SCHIP1: variants seen among roughly 807,000 people sequenced by gnomAD.
The protein encoded by SCHIP1 is schwannomin-interacting protein 1.
In SCHIP1, 8 loss-of-function variants were observed where a neutral mutation model predicts 29.7. That is an observed-to-expected ratio of 0.27 (90% CI 0.16 to 0.49). SCHIP1 has a LOEUF of 0.49. SCHIP1 is among the 20% of genes least tolerant of loss of function. SCHIP1 has a pLI of 0.99. For missense variants in SCHIP1, 193 were observed against 294.6 expected (o/e 0.66, Z 2.52); for synonymous variants, 76 against 94.9 (o/e 0.80, Z 1.16).
chr3:159,498,887 T>C, the SCHIP1 span, among the ~76,000 whole-genome samples: 1 of 152,186 alleles, frequency 6.6e-6, no homozygotes, highest in Non-Finnish European at 1.5e-5. Context: ...TATGAAATAT[T>C]CACCAAATAT....
At chr3:159,882,525 C>T (rs371997055) in intron 2 of SCHIP1, among the ~76,000 whole-genome samples, 27 of 152,296 alleles carry the variant, frequency 1.8e-4, no homozygotes, top group African/African-American at 6.5e-4. Flanking sequence ...CACTACAACC[C>T]AAAGCCAAGA....
the SCHIP1 span, among the ~76,000 whole-genome samples, chr3:159,676,214 G>A: frequency 3.3e-5 from 5 of 152,178 alleles, no homozygotes; most frequent in African/African-American, 1.2e-4. Context: ...ATACTTTACA[G>A]TTCTTTTCAA....
chr3:159,284,120 T>C, the SCHIP1 span, among the ~76,000 whole-genome samples: 1 of 152,172 alleles, frequency 6.6e-6, no homozygotes, highest in Non-Finnish European at 1.5e-5. Context: ...GCATGGTAAT[T>C]ACATGTTCCT....
At chr3:159,298,541 T>C in the SCHIP1 span, among the ~76,000 whole-genome samples, 2 of 152,224 alleles carry the variant, frequency 1.3e-5, no homozygotes, top group East Asian at 1.9e-4. Context: ...TAGCTTATGT[T>C]TGGAGCATTT....
chr3:159,275,553 G>T, the SCHIP1 span, among the ~76,000 whole-genome samples: 1 of 152,222 alleles, frequency 6.6e-6, no homozygotes, highest in African/African-American at 2.4e-5. Context: ...TGACTCATTT[G>T]TGATATTGTC....
chr3:159,584,695 CATCAAT>C, the SCHIP1 span, among the ~76,000 whole-genome samples: 1 of 152,120 alleles, frequency 6.6e-6, no homozygotes, highest in Non-Finnish European at 1.5e-5. Context: ...TAACCAGCAA[CATCAAT>C]ATCACCTGGG....
At chr3:159,343,535 A>C in the SCHIP1 span, among the ~76,000 whole-genome samples, 1 of 152,172 alleles carries the variant, frequency 6.6e-6, no homozygotes, top group East Asian at 1.9e-4. Flanking sequence ...CATCTCCCTA[A>C]GGCATGTTCT....
chr3:159,420,076 C>G, the SCHIP1 span, among the ~76,000 whole-genome samples: 1 of 152,140 alleles, frequency 6.6e-6, no homozygotes, highest in South Asian at 2.1e-4. Flanking sequence ...GGCTAAGAAC[C>G]AGAAATATAA....
the SCHIP1 span, among the ~76,000 whole-genome samples, chr3:159,668,813 C>A: frequency 1.3e-5 from 2 of 152,284 alleles, no homozygotes; most frequent in East Asian, 3.9e-4. Context: ...TTCCTCACTT[C>A]ATGCCATTAG....
At chr3:159,585,880 C>T in the SCHIP1 span, among the ~76,000 whole-genome samples, 2 of 152,044 alleles carry the variant, frequency 1.3e-5, no homozygotes, top group Admixed American at 1.3e-4. Context: ...CCCTGCTAGG[C>T]TGGAAAAAAA....
chr3:159,419,248 T>C, the SCHIP1 span, among the ~76,000 whole-genome samples: 1 of 152,152 alleles, frequency 6.6e-6, no homozygotes, highest in East Asian at 1.9e-4. Flanking sequence ...CCATTGTGAA[T>C]GGGGATATGA....
the SCHIP1 span, among the ~76,000 whole-genome samples, chr3:159,494,481 C>T: frequency 0.044 from 6,621 of 152,172 alleles, 192 homozygotes; most frequent in East Asian, 0.063. Context: ...AACACCTCTA[C>T]GCAAATAAAC....
At chr3:159,526,845 T>C in the SCHIP1 span, among the ~76,000 whole-genome samples, 15 of 152,346 alleles carry the variant, frequency 9.8e-5, no homozygotes, top group African/African-American at 3.6e-4. Flanking sequence ...TCTCTTTCCC[T>C]GCTGACACTG....
chr3:159,862,758 A>G (rs903232695), intron 1 of SCHIP1, among the ~76,000 whole-genome samples: 128 of 152,338 alleles, frequency 8.4e-4, no homozygotes, highest in African/African-American at 3.0e-3. Context: ...ATTTACTCTC[A>G]CTAGTAATCA....
the SCHIP1 span, among the ~76,000 whole-genome samples, chr3:159,408,686 A>T: frequency 2.6e-5 from 4 of 152,208 alleles, no homozygotes; most frequent in Non-Finnish European, 4.4e-5. Flanking sequence ...CAATGGCTTC[A>T]CTGCTGACTT....
chr3:159,641,751 C>G, the SCHIP1 span, among the ~76,000 whole-genome samples: 2 of 152,166 alleles, frequency 1.3e-5, no homozygotes, highest in Non-Finnish European at 2.9e-5. Context: ...GCCCACTCTT[C>G]ACAGTGGATA....
At chr3:159,393,512 A>T in the SCHIP1 span, among the ~76,000 whole-genome samples, 8 of 152,016 alleles carry the variant, frequency 5.3e-5, no homozygotes, top group Admixed American at 2.0e-4. Context: ...GGAGGGATCC[A>T]GTTTCAGCTT....
chr3:159,599,469 T>G, the SCHIP1 span, among the ~76,000 whole-genome samples: 1 of 152,292 alleles, frequency 6.6e-6, no homozygotes, highest in Admixed American at 6.5e-5. Context: ...CCCTCATAGC[T>G]TAGCTCCCAT....
At chr3:159,609,697 C>T in the SCHIP1 span, among the ~76,000 whole-genome samples, 18 of 152,258 alleles carry the variant, frequency 1.2e-4, no homozygotes, top group African/African-American at 4.3e-4. Flanking sequence ...CGCTTAAAAC[C>T]TGGAGATAGC....
Sources: allele counts gnomAD v4.1 joint callset (sites outside exome capture counted in the v4.1 genomes callset), GRCh38; gene constraint gnomAD v4.1.1; transcripts MANE v1.5; gene names NCBI Gene and HGNC (gene_info 2026-07-23, HGNC 2026-07-21).